The following SLIT3 variants were observed in gnomAD, a reference collection of about 807,000 sequenced individuals.
SLIT3 encodes the protein slit homolog 3 protein.
SLIT3 carries 68 observed loss-of-function variants against 184.0 expected under a neutral mutation model. That is an observed-to-expected ratio of 0.37 (90% CI 0.30 to 0.45). The LOEUF (loss-of-function observed/expected upper bound fraction) is 0.45, where lower values mean the gene tolerates loss of function less well. Among genes scored for constraint, SLIT3 ranks in the 20% least tolerant of loss-of-function variants. The pLI is 1.00. For synonymous variants in SLIT3, 831 were observed against 828.6 expected, an observed-to-expected ratio of 1.00 and a Z score of -0.05; for missense variants, 1,707 against 2,026.0, an observed-to-expected ratio of 0.84 and a Z score of 3.02.
chr5:168,675,283 A>G (rs1761371872), intron 32 of SLIT3, among the ~76,000 whole-genome samples: 1 of 152,192 alleles, frequency 6.6e-6, no homozygotes, highest in African/African-American at 2.4e-5. Flanking sequence ...AGAGGATCCC[A>G]GCAGGGGGTG....
chr5:168,957,131 C>T (rs527707622), intron 4 of SLIT3, among the ~76,000 whole-genome samples: 29 of 149,904 alleles, frequency 1.9e-4, no homozygotes, highest in Admixed American at 1.3e-3. Flanking sequence ...CTGGAGGCTG[C>T]GGCAGGAGAA....
intron 4 of SLIT3, among the ~76,000 whole-genome samples, chr5:169,116,199 A>C (rs1760656468): frequency 3.9e-5 from 6 of 152,146 alleles, no homozygotes; most frequent in Admixed American, 3.9e-4. Context: ...TTATTGCAAT[A>C]ATTATTGCAG....
intron 3 of SLIT3, among the ~76,000 whole-genome samples, chr5:169,242,929 C>T (rs541618429): frequency 8.5e-4 from 130 of 152,066 alleles, no homozygotes; most frequent in African/African-American, 2.7e-3. Flanking sequence ...ACTCTCAGGG[C>T]CCTTACTAAA....
intron 4 of SLIT3, among the ~76,000 whole-genome samples, chr5:169,152,452 TTGGC>T (rs528420798): frequency 4.7e-4 from 72 of 152,284 alleles, no homozygotes; most frequent in Non-Finnish European, 8.7e-4. Flanking sequence ...TCACCTGAAT[TTGGC>T]TGGTAGTCCA....
intron 4 of SLIT3, among the ~76,000 whole-genome samples, chr5:168,953,175 C>T (rs752498): frequency 0.42 from 64,406 of 151,982 alleles, 13,803 homozygotes; most frequent in African/African-American, 0.48. Context: ...AGGATCCTGA[C>T]TAGAGTTTGG....
chr5:169,009,376 G>T (rs931068344), intron 4 of SLIT3, among the ~76,000 whole-genome samples: 3 of 152,192 alleles, frequency 2.0e-5, no homozygotes, highest in Non-Finnish European at 4.4e-5. Flanking sequence ...AGTGAGAAAT[G>T]ATGCCAAATG....
intron 4 of SLIT3, among the ~76,000 whole-genome samples, chr5:169,105,136 C>T (rs974045129): frequency 1.3e-5 from 2 of 152,132 alleles, no homozygotes; most frequent in South Asian, 2.1e-4. Context: ...TCCACAATTT[C>T]GATTTCCCCT....
chr5:168,733,414 T>C (rs1763344600), intron 20 of SLIT3, among the ~76,000 whole-genome samples: 1 of 152,164 alleles, frequency 6.6e-6, no homozygotes, highest in Admixed American at 6.6e-5. Flanking sequence ...GAACTACCAT[T>C]TGATCCAGCA....
intron 3 of SLIT3, among the ~76,000 whole-genome samples, chr5:169,200,362 G>A (rs932504726): frequency 1.3e-5 from 2 of 152,166 alleles, no homozygotes. Flanking sequence ...TCCCCAGGCA[G>A]CTTCTTAGGC....
At chr5:169,187,012 A>T (rs1763366416) in intron 4 of SLIT3, among the ~76,000 whole-genome samples, 2 of 147,808 alleles carry the variant, frequency 1.4e-5, no homozygotes, top group African/African-American at 5.0e-5. Context: ...CCTCAGTGGC[A>T]TTTTTTTTTT....
rs553614635 is a variant in SLIT3, at chr5:169,190,888, C to A, written c.413+2591G>T. On this transcript the variant is annotated intron_variant, in intron 4 of 35. Coordinates refer to ENST00000519560, the MANE Select transcript of SLIT3 (RefSeq NM_003062.4). ...CTCTGGAGTGGCTGACAAAATAAGACAATGACACAAGAGGGCCATTAAGAA... is the reference window on the plus strand; with the variant it reads ...CTCTGGAGTGGCTGACAAAATAAGAAAATGACACAAGAGGGCCATTAAGAA... Among the ~76,000 whole-genome samples, 76 of 152,176 alleles carry A rather than the reference C, an allele frequency of 5.0e-4. 1 individual carries two copies. The South Asian group carries it at 0.015, about 30-fold the overall frequency.
At chr5:168,728,570 A>G (rs955532694) in intron 20 of SLIT3, among the ~76,000 whole-genome samples, 2 of 152,090 alleles carry the variant, frequency 1.3e-5, no homozygotes, top group Non-Finnish European at 2.9e-5. Flanking sequence ...TAAATTAAAA[A>G]ATCAATGTAG....
chr5:168,811,088 G>T (rs1011120161), intron 8 of SLIT3, among the ~76,000 whole-genome samples: 5 of 152,126 alleles, frequency 3.3e-5, no homozygotes, highest in African/African-American at 1.2e-4. Context: ...CTTGCCTGCT[G>T]AGATGAGTGG....
chr5:169,228,351 G>T (rs180768404), intron 3 of SLIT3, among the ~76,000 whole-genome samples: 2 of 152,070 alleles, frequency 1.3e-5, no homozygotes, highest in African/African-American at 4.8e-5. Flanking sequence ...ATTTTCTAAA[G>T]TCACCAAAGC....
intron 7 of SLIT3, among the ~76,000 whole-genome samples, chr5:168,819,130 T>C (rs1757436646): frequency 6.6e-6 from 1 of 152,218 alleles, no homozygotes; most frequent in African/African-American, 2.4e-5. Flanking sequence ...CTTAGAGTTC[T>C]TGAGCTGAAG....
intron 32 of SLIT3, 28 bp from the exon 33 acceptor site, chr5:168,673,359 G>C (rs370050107): frequency 2.5e-5 from 41 of 1,611,464 alleles, no homozygotes; most frequent in Non-Finnish European, 3.4e-5. Context: ...GGAGAAAGCC[G>C]GAGAGTTCAC....
chr5:169,060,848 C>T (rs1263813809), intron 4 of SLIT3, among the ~76,000 whole-genome samples: 1 of 152,166 alleles, frequency 6.6e-6, no homozygotes, highest in East Asian at 1.9e-4. Flanking sequence ...TGTCCAAGTG[C>T]CTCTGGGAAA....
At chr5:169,032,640 C>T (rs1291885583) in intron 4 of SLIT3, among the ~76,000 whole-genome samples, 2 of 144,976 alleles carry the variant, frequency 1.4e-5, no homozygotes, top group African/African-American at 5.1e-5. Context: ...CATGTGAAGT[C>T]ATGGAGTCGA....
At chr5:168,880,184 C>G (rs1365866625) in intron 5 of SLIT3, among the ~76,000 whole-genome samples, 1 of 152,202 alleles carries the variant, frequency 6.6e-6, no homozygotes, top group Non-Finnish European at 1.5e-5. Context: ...GGACTACAGC[C>G]TCATCTCCTG....
Sources: gnomAD v4.1 joint callset for allele counts (sites outside exome capture counted in the v4.1 genomes callset) on GRCh38, gnomAD v4.1.1 for gene constraint, MANE v1.5 for transcripts, NCBI Gene and HGNC (gene_info 2026-07-23, HGNC 2026-07-21) for gene names.